Variants in GON4L observed in about 807,000 individuals in gnomAD.
The protein encoded by GON4L is GON-4-like protein.
GON4L carries 87 observed loss-of-function variants against 211.8 expected under a neutral mutation model. The observed-to-expected ratio is 0.41, with a 90% CI of 0.35 to 0.49. The LOEUF is 0.49. GON4L is among the 20% of genes least tolerant of loss of function. The pLI, the probability that GON4L is intolerant of heterozygous loss-of-function variation, is 0.15. For missense variants in GON4L, 2,155 were observed against 2,659.5 expected (o/e 0.81, Z 4.17); for synonymous variants, 875 against 962.6 (o/e 0.91, Z 1.68).
chr1:155,794,274 G>T (rs749462044), intron 12 of GON4L, among the ~76,000 whole-genome samples: 11 of 152,086 alleles, frequency 7.2e-5, no homozygotes, highest in Non-Finnish European at 1.2e-4. Flanking sequence ...GTTTCGCCAT[G>T]TTGGCCAGGC....
chr1:155,773,545 A>C, intron 17 of GON4L: 1 of 267,478 alleles, frequency 3.7e-6, no homozygotes, highest in Non-Finnish European at 7.2e-6. Context: ...CCCCCCTTAA[A>C]TACTTGAAGG....
rs368568832 is a variant in GON4L, at chr1:155,801,595, T to C, written c.1645+3354A>G. Among the ~76,000 whole-genome samples, 11 of 152,156 alleles carry C rather than the reference T, an allele frequency of 7.2e-5. No individual in the cohort carries two copies. The East Asian group carries it at 1.7e-3, about 24-fold the overall frequency. On this transcript the variant is annotated intron_variant, in intron 11 of 31. Coordinates refer to ENST00000368331, the MANE Select transcript of GON4L (RefSeq NM_001282860.2). ...TTAAAATTTTATTTTATTTTAAAAATAGAAATGCCAGGTGCGGTGGCTCAT... is the reference window on the plus strand; with the variant it reads ...TTAAAATTTTATTTTATTTTAAAAACAGAAATGCCAGGTGCGGTGGCTCAT...
chr1:155,833,305 A>G (rs1283872256), intron 2 of GON4L, among the ~76,000 whole-genome samples: 1 of 152,024 alleles, frequency 6.6e-6, no homozygotes, highest in Non-Finnish European at 1.5e-5. Context: ...AAAATATGCA[A>G]TAATCTCGCT....
chr1:155,836,673 T>C (rs971000487), intron 2 of GON4L, among the ~76,000 whole-genome samples: 1 of 152,266 alleles, frequency 6.6e-6, no homozygotes, highest in African/African-American at 2.4e-5. Flanking sequence ...CCCCATCATC[T>C]GGGTGCCCCA....
intron 21 of GON4L, 151 bp downstream of exon 21, chr1:155,764,849 A>C (rs751993114): frequency 3.9e-6 from 6 of 1,557,898 alleles, no homozygotes; most frequent in South Asian, 2.2e-5. Flanking sequence ...TTTCACCTCA[A>C]CTCCACAATC....
At chr1:155,819,159 CGGGCAT>C (rs71080729) in intron 6 of GON4L, among the ~76,000 whole-genome samples, 42,234 of 150,904 alleles carry the variant, frequency 0.28, 6,488 homozygotes, top group East Asian at 0.69. Flanking sequence ...AAAAATTAGC[CGGGCAT>C]GGTGGCACGC....
chr1:155,757,184 T>C lies in GON4L; in HGVS notation c.5393A>G (p.Tyr1798Cys), dbSNP rs767815543. ...EEINWTEEKE[Y>C]EFDGFEEVAL... ...CAGCAGCCTTAGGTCCTATACCTCA[T>C]ACTCCTTTTCCTCAGTCCAATTGAT... Residue 1798 changes from tyrosine (Y) to cysteine (C), a missense_variant, in exon 26 of 32, where the codon TAT (tyrosine) becomes TGT (cysteine). Coordinates refer to ENST00000368331, the MANE Select transcript of GON4L (RefSeq NM_001282860.2). The C allele has an allele frequency of 3.7e-6, 6 of 1,613,928 alleles. No individual in the cohort carries two copies. In the South Asian group the frequency reaches 5.5e-5, roughly 15 times the overall value.
intron 1 of GON4L, among the ~76,000 whole-genome samples, chr1:155,856,515 C>T (rs1467705784): frequency 2.6e-5 from 4 of 151,894 alleles, no homozygotes; most frequent in African/African-American, 9.7e-5. Flanking sequence ...GGATTAGAGG[C>T]GTGAGCCACC....
At chr1:155,801,717 T>C (rs1165328591) in intron 11 of GON4L, among the ~76,000 whole-genome samples, 1 of 151,840 alleles carries the variant, frequency 6.6e-6, no homozygotes, top group Non-Finnish European at 1.5e-5. Flanking sequence ...ACCCTGTCTC[T>C]ACTAAAAATA....
chr1:155,767,660 CACAA>C (rs1293891109), intron 19 of GON4L, 119 bp from the exon 20 acceptor site: 13 of 1,419,126 alleles, frequency 9.2e-6, no homozygotes, highest in South Asian at 9.1e-5. Flanking sequence ...CACACACACA[CACAA>C]GACCACATAC....
intron 3 of GON4L, among the ~76,000 whole-genome samples, chr1:155,825,009 T>C (rs1669064108): frequency 6.6e-6 from 1 of 150,712 alleles, no homozygotes; most frequent in Non-Finnish European, 1.5e-5. Context: ...AAAATAAAAA[T>C]GAAAATTAGC....
At chr1:155,748,280 C>A, downstream of GON4L, 1 of 1,239,650 alleles carries the variant, frequency 8.1e-7, no homozygotes, top group Non-Finnish European at 1.1e-6. Flanking sequence ...TATGCTTGTC[C>A]AGCCTGGGGT....
chr1:155,855,215 T>C (rs1672163441), intron 1 of GON4L, among the ~76,000 whole-genome samples: 4 of 152,212 alleles, frequency 2.6e-5, no homozygotes. Context: ...GTTCTTTTAG[T>C]ATCTGTTTGT....
In GON4L at chr1:155,752,282, A is replaced by G. The variant is rs1376658061; in HGVS notation, c.6151T>C (p.Phe2051Leu). The G allele has an allele frequency of 8.2e-6, 13 of 1,590,024 alleles. No homozygotes were observed. In the African/African-American group the frequency reaches 1.6e-4, roughly 20 times the overall value. Reference protein sequence around the residue: ...LPGTVEPPASFLSPVSSKTRD... With the variant: ...LPGTVEPPASLLSPVSSKTRD... ...GTCTTTGAGGAAACAGGACTCAGGA[A>G]GGAAGCAGGGGGTTCCACGGTACCA... The change falls in exon 30 of 32, where the codon TTC becomes CTC. Residue 2051 changes from phenylalanine (F) to leucine (L), a missense_variant. Phe to Leu is a conservative substitution (Grantham distance 22). Around this residue, in one of 6 missense-constraint regions of GON4L, gnomAD observed 186 missense variants for 308.1 expected, o/e 0.60. Coordinates refer to ENST00000368331, the MANE Select transcript of GON4L (RefSeq NM_001282860.2).
intron 11 of GON4L, among the ~76,000 whole-genome samples, chr1:155,797,307 G>A (rs1009856340): frequency 9.2e-5 from 14 of 151,482 alleles, no homozygotes; most frequent in African/African-American, 3.1e-4. Context: ...TAGAGACGGC[G>A]TTTCACCATG....
chr1:155,766,715 G>A lies in GON4L; in HGVS notation c.2764-6C>T. On this transcript the variant is annotated splice_region_variant and splice_polypyrimidine_tract_variant and intron_variant, in intron 20 of 31. Coordinates refer to ENST00000368331, the MANE Select transcript of GON4L (RefSeq NM_001282860.2). ...TGGATGGATGGCAGACTGGCCTATT[G>A]GAAACAAGAACACTCTGATCCAGCA... is the stretch of plus-strand genomic sequence containing the variant. The A allele has an allele frequency of 6.2e-7, 1 of 1,613,990 alleles. No individual in the cohort carries two copies. The highest frequency in any genetic ancestry group is 8.5e-7 in the Non-Finnish European group (1 of 1,180,030).
upstream of GON4L, chr1:155,859,420 G>A (rs1405572313): frequency 9.5e-6 from 2 of 211,390 alleles, no homozygotes; most frequent in South Asian, 6.2e-5. Context: ...GGGGGCGAGG[G>A]CTGACTTCCG....
At chr1:155,788,849 G>C (rs1428563678) in intron 12 of GON4L, among the ~76,000 whole-genome samples, 1 of 152,174 alleles carries the variant, frequency 6.6e-6, no homozygotes. Context: ...CCAGCACTTT[G>C]GGAGTCCAGG....
chr1:155,842,564 C>T (rs822501), intron 2 of GON4L, among the ~76,000 whole-genome samples: 122,839 of 146,710 alleles, frequency 0.84, 53,710 homozygotes, highest in East Asian at 1. Flanking sequence ...AAGGGCCGGG[C>T]CAGTGGCTCA....
Sources: gnomAD v4.1 joint callset for allele counts (sites outside exome capture counted in the v4.1 genomes callset) on GRCh38, gnomAD v4.1.1 for gene constraint, gnomAD v4.1.1 regional missense constraint, MANE v1.5 for transcripts, NCBI Gene and HGNC (gene_info 2026-07-23, HGNC 2026-07-21) for gene names.